Variants in ZNF367 observed in about 807,000 individuals in gnomAD.
The protein encoded by ZNF367 is C2H2 zinc finger protein ZFF29.
In ZNF367, 11 loss-of-function variants were observed where a neutral mutation model predicts 31.8. The ratio of observed to expected loss-of-function variants is 0.35; its 90% confidence interval spans 0.22 to 0.57. The LOEUF (loss-of-function observed/expected upper bound fraction) is 0.57, where lower values mean the gene tolerates loss of function less well. ZNF367 is among the 20% of genes least tolerant of loss of function. ZNF367 has a pLI of 0.85. For missense variants in ZNF367, 353 were observed against 484.1 expected (o/e 0.73, Z 2.54); for synonymous variants, 199 against 202.4 (o/e 0.98, Z 0.14).
chr9:96,416,391 T>A (rs959348123), intron 1 of ZNF367, among the ~76,000 whole-genome samples: 12 of 152,218 alleles, frequency 7.9e-5, no homozygotes, highest in African/African-American at 2.7e-4. Flanking sequence ...CGGCCCAGGT[T>A]CTGTTCTTTC....
At chr9:96,404,287 C>T (rs1351900615) in intron 1 of ZNF367, among the ~76,000 whole-genome samples, 2 of 151,820 alleles carry the variant, frequency 1.3e-5, no homozygotes, top group Non-Finnish European at 1.5e-5. Context: ...GATGAAACCC[C>T]GTCTCTACTA....
chr9:96,414,766 G>A (rs940460453), intron 1 of ZNF367, among the ~76,000 whole-genome samples: 11 of 151,972 alleles, frequency 7.2e-5, no homozygotes, highest in East Asian at 1.9e-4. Flanking sequence ...GTGAGCCTCC[G>A]CGCCTGGCCA....
At chr9:96,415,656 TC>T (rs1359586583) in intron 1 of ZNF367, among the ~76,000 whole-genome samples, 1 of 150,812 alleles carries the variant, frequency 6.6e-6, no homozygotes, top group Non-Finnish European at 1.5e-5. Context: ...CGCCACCACG[TC>T]CGGCGAATTT....
chr9:96,412,334 A>G (rs113037820), intron 1 of ZNF367, among the ~76,000 whole-genome samples: 10 of 152,236 alleles, frequency 6.6e-5, no homozygotes, highest in African/African-American at 2.4e-4. Context: ...CCATACCTCT[A>G]GAAGGTTGAT....
intron 2 of ZNF367, among the ~76,000 whole-genome samples, chr9:96,395,496 T>G (rs1207949073): frequency 2.0e-5 from 3 of 152,142 alleles, no homozygotes; most frequent in Non-Finnish European, 4.4e-5. Context: ...CTCTAGGCAA[T>G]CTCACCAACC....
intron 1 of ZNF367, among the ~76,000 whole-genome samples, chr9:96,401,458 C>T (rs931953153): frequency 6.6e-6 from 1 of 151,872 alleles, no homozygotes; most frequent in Non-Finnish European, 1.5e-5. Context: ...GTCAAGAGTT[C>T]GAGACCAGCC....
chr9:96,415,593 G>C (rs987863382), intron 1 of ZNF367, among the ~76,000 whole-genome samples: 1 of 130,462 alleles, frequency 7.7e-6, no homozygotes, highest in African/African-American at 2.9e-5. Flanking sequence ...CGCCTCCCGA[G>C]TTCTACCAAT....
rs1384281676 is a variant in ZNF367 at position 96,398,252 on chromosome 9, C to T, written c.483G>A (p.Glu161=). The change falls in exon 2 of 5, where the codon GAG becomes GAA. Residue 161 remains glutamate (E), a synonymous_variant. Transcript: ENST00000375256. ...DTVRDLINEG[E]HSSSRIRCNI... ...TACAACGGATTCTGCTGGATGAATG[C>T]TCTCCTTCATTTATTAAATCGCGGA... 1 of 1,613,598 alleles carries T rather than the reference C, an allele frequency of 6.2e-7. No individual in the cohort carries two copies. Among genetic ancestry groups the T allele is most frequent in the Non-Finnish European group, 8.5e-7 (1 of 1,179,742 alleles).
chr9:96,403,339 A>AT lies in ZNF367; in HGVS notation c.421-5026dup, dbSNP rs142521399. Among the ~76,000 whole-genome samples, 377 of 152,356 alleles carry AT rather than the reference A, an allele frequency of 2.5e-3. 1 individual carries two copies. The highest frequency in any genetic ancestry group is 8.6e-3 in the African/African-American group (356 of 41,588). On this transcript the variant is annotated intron_variant, in intron 1 of 4. Coordinates refer to ENST00000375256, the MANE Select transcript of ZNF367 (RefSeq NM_153695.4). ...GAAAAAAGAAAATACCTTGACACAAATAATACCAAAAACACAACATACCAA... is the reference window on the plus strand; with the variant it reads ...GAAAAAAGAAAATACCTTGACACAAATTAATACCAAAAACACAACATACCAA...
intron 2 of ZNF367, among the ~76,000 whole-genome samples, chr9:96,396,079 T>C (rs1831526983): frequency 6.6e-6 from 1 of 152,156 alleles, no homozygotes; most frequent in Non-Finnish European, 1.5e-5. Flanking sequence ...TTTTACAAAA[T>C]ATGCTAATAG....
In ZNF367 at chr9:96,389,071, G is replaced by A. The variant is rs556200902; in HGVS notation, c.831-612C>T. ...CCTAGCACTTTGGGAGGCAAGGCAGGCAGATCACTTGAGGTCAAGAGTTCA... is the reference window on the plus strand; with the variant it reads ...CCTAGCACTTTGGGAGGCAAGGCAGACAGATCACTTGAGGTCAAGAGTTCA... On this transcript the variant is annotated intron_variant, in intron 4 of 4. Coordinates refer to ENST00000375256, the MANE Select transcript of ZNF367 (RefSeq NM_153695.4). 1.2e-4 allele frequency among the ~76,000 whole-genome samples: 19 copies of A among 152,270 alleles called. No individual in the cohort carries two copies. In the South Asian group the frequency reaches 3.9e-3, roughly 32 times the overall value.
chr9:96,402,751 C>T (rs554464749), intron 1 of ZNF367, among the ~76,000 whole-genome samples: 2 of 150,312 alleles, frequency 1.3e-5, no homozygotes, highest in South Asian at 2.1e-4. Context: ...GGATTACAGG[C>T]GTGAGCCCCT....
rs1405552005 is a variant in ZNF367 at position 96,407,231 on chromosome 9, G to A, written c.421-8917C>T. The A allele has an allele frequency of 4.4e-6, 4 of 906,740 alleles. No homozygotes were observed. In the Admixed American group the frequency reaches 6.4e-5, roughly 15 times the overall value. The allele number at this position is 906,740 out of a possible 1,614,324, so 56.2% of individuals were successfully genotyped here. A position where few individuals can be genotyped will look rare whatever the true frequency, so the allele number is the denominator to read the frequency against. ...TGTGGGTCTTTGAGACCCGAAAATT[G>A]AGAGCATTTTCGCACCCCAGGGGCT... On this transcript the variant is annotated intron_variant, in intron 1 of 4. Coordinates refer to ENST00000375256, the MANE Select transcript of ZNF367 (RefSeq NM_153695.4).
At chr9:96,395,038 C>A in intron 2 of ZNF367, 96 bp from the exon 3 acceptor site, 1 of 1,349,598 alleles carries the variant, frequency 7.4e-7, no homozygotes. Flanking sequence ...GTCATGACTC[C>A]CAATAACAAT....
chr9:96,391,838 G>A (rs1831476706), intron 4 of ZNF367, among the ~76,000 whole-genome samples: 1 of 152,026 alleles, frequency 6.6e-6, no homozygotes, highest in African/African-American at 2.4e-5. Flanking sequence ...GAGTGCAGTG[G>A]GGCCATCTTG....
At position 96,386,439 on chromosome 9, in the gene ZNF367, T is replaced by C. The variant is rs1346513529; in HGVS notation, c.*1798A>G. On this transcript the variant is annotated 3_prime_UTR_variant, in exon 5 of 5. Transcript: ENST00000375256. ...TGTTTTTAGTTCATTAAATCACATA[T>C]TTGAGAGCAAAAATTCTAGAGGAAA... The C allele has an allele frequency of 6.6e-6, 1 of 152,136 alleles. No homozygotes were observed. The highest frequency in any genetic ancestry group is 1.5e-5 in the Non-Finnish European group (1 of 67,994). The allele number at this position is 152,136 out of a possible 1,614,324, so 9.4% of individuals were successfully genotyped here.
intron 1 of ZNF367, among the ~76,000 whole-genome samples, chr9:96,414,469 C>T (rs1163564537): frequency 6.6e-6 from 1 of 152,174 alleles, no homozygotes; most frequent in Non-Finnish European, 1.5e-5. Flanking sequence ...AATTCAAACC[C>T]ATGCATCTTG....
chr9:96,400,918 T>C (rs1371158907), intron 1 of ZNF367, among the ~76,000 whole-genome samples: 1 of 152,180 alleles, frequency 6.6e-6, no homozygotes, highest in East Asian at 1.9e-4. Flanking sequence ...AAAAGAATCT[T>C]GAAAGCAGCA....
rs183236027 is a variant in ZNF367, at chr9:96,407,277, C to T, written c.421-8963G>A. ...GGGCTGCTCCTGGCGGCTCTGCGGC[C>T]GTCACCATGCCACAGAACGAATATA... is the stretch of plus-strand genomic sequence containing the variant. On this transcript the variant is annotated intron_variant, in intron 1 of 4. Coordinates refer to ENST00000375256, the MANE Select transcript of ZNF367 (RefSeq NM_153695.4). 1.2e-3 allele frequency: 1,714 copies of T among 1,471,512 alleles called. 1 individual carries two copies. Among genetic ancestry groups the T allele is most frequent in the Non-Finnish European group, 1.3e-3 (1,400 of 1,054,990 alleles). The allele number at this position is 1,471,512 out of a possible 1,614,324, so 91.2% of individuals were successfully genotyped here.
Sources: allele counts gnomAD v4.1 joint callset (sites outside exome capture counted in the v4.1 genomes callset), GRCh38; gene constraint gnomAD v4.1.1; transcripts MANE v1.5; gene names NCBI Gene and HGNC (gene_info 2026-07-23, HGNC 2026-07-21).